Variants in PPIG observed in about 807,000 individuals in gnomAD.
PPIG encodes the protein peptidyl-prolyl cis-trans isomerase G.
PPIG carries 26 observed loss-of-function variants against 87.9 expected under a neutral mutation model. The observed-to-expected ratio is 0.30, with a 90% CI of 0.22 to 0.41. PPIG has a LOEUF of 0.41. PPIG is among the 10% of genes least tolerant of loss of function. The pLI is 1.00. For missense variants in PPIG, 722 were observed against 879.4 expected (o/e 0.82, Z 2.26); for synonymous variants, 308 against 276.5 (o/e 1.11, Z -1.13).
chr2:169,590,184 G>T (rs1469976458), intron 1 of PPIG, among the ~76,000 whole-genome samples: 1 of 152,016 alleles, frequency 6.6e-6, no homozygotes, highest in African/African-American at 2.4e-5. Context: ...TGTTTAAGAG[G>T]ATAGGCACTG....
At chr2:169,621,017 C>CAAA (rs1204760440) in intron 9 of PPIG, among the ~76,000 whole-genome samples, 1 of 151,974 alleles carries the variant, frequency 6.6e-6, no homozygotes, top group Non-Finnish European at 1.5e-5. Flanking sequence ...ATTTTACAGA[C>CAAA]AAAGATAGTC....
intron 1 of PPIG, among the ~76,000 whole-genome samples, chr2:169,590,600 G>A (rs1277974896): frequency 4.0e-5 from 6 of 151,748 alleles, no homozygotes; most frequent in Admixed American, 1.3e-4. Flanking sequence ...CAGAGGTCAC[G>A]CCACTGCACT....
intron 1 of PPIG, among the ~76,000 whole-genome samples, chr2:169,590,146 A>G (rs1237948293): frequency 6.6e-6 from 1 of 152,026 alleles, no homozygotes; most frequent in Non-Finnish European, 1.5e-5. Context: ...AAAAAAGAAA[A>G]GAAAAGAAAA....
intron 7 of PPIG, among the ~76,000 whole-genome samples, chr2:169,611,246 GAAAA>G (rs775142992): frequency 8.6e-5 from 13 of 151,240 alleles, no homozygotes; most frequent in Middle Eastern, 3.5e-3. Flanking sequence ...AAAAGAAAAA[GAAAA>G]AAAGAAAGAA....
chr2:169,585,436 T>C lies in PPIG; in HGVS notation c.-70+946T>C, dbSNP rs1318584083. 3.3e-5 allele frequency among the ~76,000 whole-genome samples: 5 copies of C among 152,042 alleles called. No homozygotes were observed. In the East Asian group the frequency reaches 9.7e-4, roughly 29 times the overall value. Reference sequence around the variant, plus strand: ...GCCACCATGCCCGGCTAATTTTTTGTGTTTTTAGTAGAGACGGGTTTTCAC... The same window carrying C: ...GCCACCATGCCCGGCTAATTTTTTGCGTTTTTAGTAGAGACGGGTTTTCAC... On this transcript the variant is annotated intron_variant, in intron 1 of 13. Transcript: ENST00000260970.
chr2:169,601,947 T>C lies in PPIG; in HGVS notation c.-69-1695T>C, dbSNP rs1341892649. 3.3e-5 allele frequency among the ~76,000 whole-genome samples: 5 copies of C among 152,190 alleles called. No homozygotes were observed. In the South Asian group the frequency reaches 8.3e-4, roughly 25 times the overall value. Reference sequence around the variant, plus strand: ...AGTAACATTTTTGTTTAGTATATTTTGAAGTGGTAATAGTTTGGTTGTACA... The same window carrying C: ...AGTAACATTTTTGTTTAGTATATTTCGAAGTGGTAATAGTTTGGTTGTACA... On this transcript the variant is annotated intron_variant, in intron 1 of 13. Coordinates refer to ENST00000260970, the MANE Select transcript of PPIG (RefSeq NM_004792.3).
intron 11 of PPIG, among the ~76,000 whole-genome samples, chr2:169,632,747 A>T (rs1232454826): frequency 2.0e-5 from 3 of 149,480 alleles, no homozygotes; most frequent in Admixed American, 6.6e-5. Context: ...TCCGTCTCAA[A>T]AATAATAATA....
intron 2 of PPIG, 89 bp from the exon 3 acceptor site, chr2:169,603,937 A>G (rs1685252160): frequency 1.0e-6 from 1 of 955,014 alleles, no homozygotes. Context: ...TATATTTCTA[A>G]TATTGTTTCA....
At chr2:169,618,658 T>C (rs1685664363) in intron 9 of PPIG, among the ~76,000 whole-genome samples, 2 of 152,194 alleles carry the variant, frequency 1.3e-5, no homozygotes. Context: ...TTCATAGTAT[T>C]CTCTGATGGT....
chr2:169,628,594 A>G (rs1157265298), intron 9 of PPIG, among the ~76,000 whole-genome samples: 1 of 152,136 alleles, frequency 6.6e-6, no homozygotes, highest in Non-Finnish European at 1.5e-5. Context: ...GAGGATTACT[A>G]GAGCCCAGGA....
At chr2:169,612,740 G>C (rs1004103282) in intron 7 of PPIG, among the ~76,000 whole-genome samples, 2 of 151,964 alleles carry the variant, frequency 1.3e-5, no homozygotes, top group South Asian at 2.1e-4. Flanking sequence ...CACATTTTTT[G>C]ATTCATCTGT....
chr2:169,624,257 A>G (rs1685827919), intron 9 of PPIG, among the ~76,000 whole-genome samples: 1 of 152,030 alleles, frequency 6.6e-6, no homozygotes, highest in African/African-American at 2.4e-5. Flanking sequence ...TGAGCTATGG[A>G]ATTTGGTTTT....
intron 9 of PPIG, among the ~76,000 whole-genome samples, chr2:169,617,999 T>C (rs1252678326): frequency 6.7e-6 from 1 of 150,346 alleles, no homozygotes; most frequent in African/African-American, 2.4e-5. Context: ...TTGTCATAAA[T>C]AGTTCTTATT....
In PPIG at chr2:169,615,983, G is replaced by T. The variant is rs534981072; in HGVS notation, c.547+1259G>T. ...ATCTACATTAGGTATTTCTGCTAAT[G>T]CTATCCCTCCCCTAGACCCCCTACC... On this transcript the variant is annotated intron_variant, in intron 9 of 13. Transcript: ENST00000260970. Among the ~76,000 whole-genome samples the T allele has an allele frequency of 5.3e-5, 8 of 152,278 alleles. No individual in the cohort carries two copies. The East Asian group carries it at 1.5e-3, about 29-fold the overall frequency.
intron 7 of PPIG, among the ~76,000 whole-genome samples, chr2:169,613,702 G>T (rs1257857884): frequency 6.6e-6 from 1 of 152,186 alleles, no homozygotes; most frequent in Non-Finnish European, 1.5e-5. Context: ...GTCAAAGTGG[G>T]AGGATCGCTT....
chr2:169,587,529 C>T (rs762744703), intron 1 of PPIG, among the ~76,000 whole-genome samples: 6 of 152,048 alleles, frequency 3.9e-5, no homozygotes, highest in Non-Finnish European at 8.8e-5. Flanking sequence ...CGTGAGCCAC[C>T]GTGCCCAGAC....
chr2:169,632,046 CTT>C, intron 11 of PPIG, 113 bp downstream of exon 11: 1 of 1,273,078 alleles, frequency 7.9e-7, no homozygotes, highest in South Asian at 1.9e-5. Flanking sequence ...AGATTGAAAT[CTT>C]TTTTATAAAA....
rs750861902 is a variant in PPIG at position 169,636,129 on chromosome 2, G to A, written c.1055G>A (p.Arg352His). 15 of 1,609,328 alleles carry A rather than the reference G, an allele frequency of 9.3e-6. No individual in the cohort carries two copies. Among genetic ancestry groups the A allele is most frequent in the Admixed American group, 8.5e-5 (5 of 58,722 alleles). ...RTPSRSRSRD[R>H]FRRSETPPHW... ...CCTTCCAGATCCAGATCAAGGGATC[G>A]TTTCAGACGTAGTGAGACTCCTCCA... Residue 352 changes from arginine to histidine, a missense_variant, in exon 13 of 14, where the codon CGT becomes CAT. By Grantham distance (29) the Arg-to-His change is conservative. This residue lies in a region of PPIG where 476 missense variants were observed against 483.1 expected (regional missense o/e 0.99). Transcript: ENST00000260970.
rs747290753 is a variant in PPIG, at chr2:169,631,736, A to G, written c.762-30A>G. The G allele has an allele frequency of 5.6e-6, 9 of 1,613,224 alleles. 1 individual carries two copies. Among genetic ancestry groups the G allele is most frequent in the Non-Finnish European group, 6.8e-6 (8 of 1,179,644 alleles). ...CCGTAAGGACATAATAACCAACTGT[A>G]ACTTGTTTTGTGTGTTTCTGTCTGT... On this transcript the variant is annotated intron_variant, in intron 10 of 13. Transcript: ENST00000260970.
Sources: allele counts gnomAD v4.1 joint callset (sites outside exome capture counted in the v4.1 genomes callset), GRCh38; gene constraint gnomAD v4.1.1; regional missense constraint gnomAD v4.1.1; transcripts MANE v1.5; gene names NCBI Gene and HGNC (gene_info 2026-07-23, HGNC 2026-07-21).